Variants in MALRD1 observed in about 807,000 individuals in gnomAD.
MALRD1 encodes MAM and LDL-receptor class A domain-containing protein 1.
In MALRD1, 247 loss-of-function variants were observed where a neutral mutation model predicts 242.1. The observed-to-expected ratio is 1.02, with a 90% confidence interval of 0.92 to 1.13. MALRD1 has a LOEUF of 1.13. Ranked by LOEUF, MALRD1 falls within the 50% of genes most tolerant of loss-of-function variation. MALRD1 has a pLI of 0.00. For synonymous variants in MALRD1, 995 were observed against 866.6 expected (o/e 1.15, Z -2.60); for missense variants, 2,989 against 2,533.1 (o/e 1.18, Z -3.86).
At chr10:19,243,586 A>C (rs76141927) in intron 18 of MALRD1, among the ~76,000 whole-genome samples, 1,824 of 152,188 alleles carry the variant, frequency 0.012, 36 homozygotes, top group African/African-American at 0.04. Flanking sequence ...GTTGTTACAC[A>C]TAGTTACCAA....
intron 21 of MALRD1, among the ~76,000 whole-genome samples, chr10:19,298,741 A>G (rs1422845206): frequency 6.6e-6 from 1 of 152,010 alleles, no homozygotes. Flanking sequence ...TGAGAAGTTA[A>G]GAGTGCAGAG....
chr10:19,240,407 T>G (rs982937797), intron 18 of MALRD1, among the ~76,000 whole-genome samples: 2 of 151,918 alleles, frequency 1.3e-5, no homozygotes, highest in African/African-American at 4.8e-5. Context: ...TCTCACTCTA[T>G]ATAAGTATAT....
intron 36 of MALRD1, among the ~76,000 whole-genome samples, chr10:19,673,427 A>G (rs1180519322): frequency 2.6e-5 from 4 of 152,070 alleles, no homozygotes; most frequent in Non-Finnish European, 5.9e-5. Context: ...TTTTCCTTAT[A>G]TGATTAGAAC....
At position 19,730,642 on chromosome 10, in the gene MALRD1, C is replaced by T. The variant is rs574494334; in HGVS notation, c.6315-64C>T. ...CTCAAAAGTTTCTAACAAACAATAA[C>T]CTGAAAATGTACTATGGTAAATGTC... On this transcript the variant is annotated intron_variant, in intron 38 of 39. Coordinates refer to ENST00000454679, the MANE Select transcript of MALRD1 (RefSeq NM_001142308.3). 1.2e-5 allele frequency: 18 copies of T among 1,463,868 alleles called. No individual in the cohort carries two copies. The African/African-American group carries it at 2.1e-4, about 17-fold the overall frequency. The allele number at this position is 1,463,868 out of a possible 1,614,324, so 90.7% of individuals were successfully genotyped here.
rs1834661065 is a variant in MALRD1, at chr10:19,165,739, T to C, written c.1759T>C (p.Ser587Pro). ...LQKQGKIIRF[S>P]ESQWSHAKID... ...AAAGCAGGGCAAAATAATCAGATTCTCCGAATCTCAGTGGAGCCACGCAAA... is the reference window on the plus strand; with the variant it reads ...AAAGCAGGGCAAAATAATCAGATTCCCCGAATCTCAGTGGAGCCACGCAAA... The change falls in exon 13 of 40, where the codon TCC (serine) becomes CCC (proline). Residue 587 changes from serine (S) to proline (P), a missense_variant. Ser to Pro is a moderately conservative substitution (Grantham distance 74). Transcript: ENST00000454679. 1 of 1,231,464 alleles carries C rather than the reference T, an allele frequency of 8.1e-7. No homozygotes were observed. The highest frequency in any genetic ancestry group is 1.6e-5 in the African/African-American group (1 of 64,394). The allele number at this position is 1,231,464 out of a possible 1,614,324, so 76.3% of individuals were successfully genotyped here.
intron 12 of MALRD1, among the ~76,000 whole-genome samples, chr10:19,156,571 T>A (rs1334092069): frequency 6.6e-6 from 1 of 150,734 alleles, no homozygotes; most frequent in African/African-American, 2.4e-5. Flanking sequence ...AGATCACAAA[T>A]GTTAGATATA....
intron 21 of MALRD1, among the ~76,000 whole-genome samples, chr10:19,304,272 G>A (rs1378976613): frequency 6.6e-6 from 1 of 151,526 alleles, no homozygotes; most frequent in East Asian, 2.0e-4. Context: ...ATGGCATATC[G>A]TGGAACTTCT....
intron 36 of MALRD1, among the ~76,000 whole-genome samples, chr10:19,655,176 CTTGTTGTTG>C (rs938679268): frequency 2.6e-5 from 4 of 151,186 alleles, no homozygotes; most frequent in Admixed American, 1.3e-4. Context: ...GTTTTTTGTT[CTTGTTGTTG>C]TTGTTGTTGT....
intron 21 of MALRD1, among the ~76,000 whole-genome samples, chr10:19,323,257 T>C (rs1012738537): frequency 6.6e-6 from 1 of 152,164 alleles, no homozygotes; most frequent in Non-Finnish European, 1.5e-5. Context: ...TCCTACTTAT[T>C]CATGTTTTCC....
chr10:19,435,324 G>C (rs1834311364), intron 28 of MALRD1, among the ~76,000 whole-genome samples: 1 of 151,896 alleles, frequency 6.6e-6, no homozygotes, highest in South Asian at 2.1e-4. Context: ...CATTAGAATA[G>C]TACATTTGTC....
intron 36 of MALRD1, among the ~76,000 whole-genome samples, chr10:19,641,780 TACAAG>T (rs1840394567): frequency 6.6e-6 from 1 of 152,182 alleles, no homozygotes; most frequent in Non-Finnish European, 1.5e-5. Context: ...TAAATTTAAT[TACAAG>T]TGTATTTTAC....
At chr10:19,553,521 C>A (rs967659745) in intron 32 of MALRD1, among the ~76,000 whole-genome samples, 2 of 151,978 alleles carry the variant, frequency 1.3e-5, no homozygotes, top group Non-Finnish European at 2.9e-5. Context: ...TAACTAAATT[C>A]TCTGATTTCT....
At chr10:19,571,808 G>C (rs906969503) in intron 33 of MALRD1, among the ~76,000 whole-genome samples, 1 of 152,098 alleles carries the variant, frequency 6.6e-6, no homozygotes, top group Non-Finnish European at 1.5e-5. Flanking sequence ...ACTCAGATGA[G>C]ACACAAATGA....
At chr10:19,651,882 T>C (rs1415295648) in intron 36 of MALRD1, among the ~76,000 whole-genome samples, 1 of 152,192 alleles carries the variant, frequency 6.6e-6, no homozygotes, top group African/African-American at 2.4e-5. Flanking sequence ...TTGTTTTTCT[T>C]AATGTTGCAT....
intron 17 of MALRD1, among the ~76,000 whole-genome samples, chr10:19,207,362 A>G (rs931403546): frequency 6.6e-6 from 1 of 152,184 alleles, no homozygotes; most frequent in African/African-American, 2.4e-5. Flanking sequence ...AGAGTTTTCA[A>G]TTATTGACTA....
At chr10:19,180,922 A>G (rs957929218) in intron 14 of MALRD1, among the ~76,000 whole-genome samples, 1 of 152,228 alleles carries the variant, frequency 6.6e-6, no homozygotes, top group Non-Finnish European at 1.5e-5. Context: ...ATTTCTCCAC[A>G]GAAGACATAA....
At chr10:19,627,520 C>CT (rs1382451227) in intron 36 of MALRD1, among the ~76,000 whole-genome samples, 8 of 151,896 alleles carry the variant, frequency 5.3e-5, no homozygotes, top group Non-Finnish European at 8.8e-5. Context: ...AGTGGATTAC[C>CT]TGAGGTCAGG....
intron 39 of MALRD1, among the ~76,000 whole-genome samples, chr10:19,731,377 T>C (rs570260479): frequency 1.4e-4 from 22 of 152,098 alleles, no homozygotes; most frequent in Non-Finnish European, 2.8e-4. Context: ...TTAGGTATAG[T>C]TGACAAAACT....
chr10:19,282,376 A>G (rs1197091483), intron 20 of MALRD1, among the ~76,000 whole-genome samples: 1 of 152,186 alleles, frequency 6.6e-6, no homozygotes, highest in African/African-American at 2.4e-5. Flanking sequence ...AGTGCACACC[A>G]GGTTTTCTAT....
Sources: allele counts gnomAD v4.1 joint callset (sites outside exome capture counted in the v4.1 genomes callset), GRCh38; gene constraint gnomAD v4.1.1; transcripts MANE v1.5; gene names NCBI Gene and HGNC (gene_info 2026-07-23, HGNC 2026-07-21).